SND1: variants seen among roughly 807,000 people sequenced by gnomAD.
SND1 encodes the protein staphylococcal nuclease and tudor domain containing 1, also known as staphylococcal nuclease domain-containing protein 1.
SND1 carries 38 observed loss-of-function variants against 121.7 expected under a neutral mutation model. That is an observed-to-expected ratio of 0.31 (90% confidence interval 0.24 to 0.41). SND1 has a LOEUF of 0.41. Ranked by LOEUF, SND1 falls within the 10% of genes least tolerant of loss-of-function variation. The pLI is 1.00. For missense variants in SND1, 868 were observed against 1,184.6 expected (o/e 0.73, Z 3.92); for synonymous variants, 401 against 447.4 (o/e 0.90, Z 1.31).
At position 127,704,939 on chromosome 7, in the gene SND1, C is replaced by T; in HGVS notation, c.941C>T (p.Ala314Val). 1 of 1,613,772 alleles carries T rather than the reference C, an allele frequency of 6.2e-7. No individual in the cohort carries two copies. Among genetic ancestry groups the T allele is most frequent in the Non-Finnish European group, 8.5e-7 (1 of 1,179,712 alleles). Residue 314 changes from alanine (A) to valine (V), a missense_variant, in exon 8 of 24, where the codon GCA (alanine) becomes GTA (valine). Ala to Val is a moderately conservative substitution (Grantham distance 64). Around this residue, in one of 2 missense-constraint regions of SND1, gnomAD observed 743 missense variants for 1,071.3 expected, o/e 0.69. Coordinates refer to ENST00000354725, the MANE Select transcript of SND1 (RefSeq NM_014390.4). ...CGGGGCGCAGAAAAGCTGAGGGCGG[C>T]AGAGAGGTAAGGTCTGTCCAAGAGG... ...YTRGAEKLRA[A>V]ERFAKERRLR...
intron 16 of SND1, among the ~76,000 whole-genome samples, chr7:128,071,958 G>A (rs1382542748): frequency 6.6e-6 from 1 of 152,216 alleles, no homozygotes; most frequent in African/African-American, 2.4e-5. Context: ...ATCGATTGCA[G>A]GCGACAGGCT....
intron 14 of SND1, among the ~76,000 whole-genome samples, chr7:127,918,471 G>A (rs1038369150): frequency 6.6e-6 from 1 of 152,114 alleles, no homozygotes; most frequent in Non-Finnish European, 1.5e-5. Flanking sequence ...GAGTGAAAAG[G>A]ATAGAAATTA....
In SND1 at chr7:127,975,484, G is replaced by C. The variant is rs1484436119; in HGVS notation, c.1670-15463G>C. On this transcript the variant is annotated intron_variant, in intron 15 of 23. Transcript: ENST00000354725. ...AAGAGAGATTGACTCCCCTCTGCTT[G>C]CACCCCAGAGCAGCCAGCAATCAGA... 2.6e-5 allele frequency among the ~76,000 whole-genome samples: 4 copies of C among 151,460 alleles called. No individual in the cohort carries two copies. The East Asian group carries it at 7.8e-4, about 29-fold the overall frequency.
chr7:127,930,231 C>CT (rs1028426781), intron 15 of SND1, among the ~76,000 whole-genome samples: 17 of 152,016 alleles, frequency 1.1e-4, no homozygotes, highest in Non-Finnish European at 2.1e-4. Context: ...CCCACCTTGC[C>CT]TTTTTTGCTA....
At chr7:128,014,953 AC>A (rs1471256066) in intron 16 of SND1, among the ~76,000 whole-genome samples, 1 of 151,936 alleles carries the variant, frequency 6.6e-6, no homozygotes, top group African/African-American at 2.4e-5. Context: ...ACAGCTTCCT[AC>A]CCTCCCTCTA....
intron 3 of SND1, among the ~76,000 whole-genome samples, chr7:127,696,226 A>G (rs912572576): frequency 1.2e-4 from 18 of 152,222 alleles, no homozygotes; most frequent in African/African-American, 4.1e-4. Context: ...GTATTCTGCT[A>G]AGACTCTGTT....
chr7:127,736,737 G>A (rs532842192), intron 10 of SND1, among the ~76,000 whole-genome samples: 2 of 152,298 alleles, frequency 1.3e-5, no homozygotes, highest in South Asian at 4.1e-4. Context: ...GGCCCTTTGT[G>A]TTTTGTTGCC....
chr7:127,988,845 G>A (rs899658917), intron 15 of SND1, among the ~76,000 whole-genome samples: 6 of 152,178 alleles, frequency 3.9e-5, no homozygotes, highest in African/African-American at 1.4e-4. Context: ...CTGCCCAAAT[G>A]GCTGCTAAGA....
chr7:127,767,046 A>G (rs1363956971), intron 10 of SND1, among the ~76,000 whole-genome samples: 4 of 152,090 alleles, frequency 2.6e-5, no homozygotes, highest in Non-Finnish European at 5.9e-5. Flanking sequence ...TGTGTGTTAG[A>G]TGGGAAGAGA....
intron 15 of SND1, among the ~76,000 whole-genome samples, chr7:127,977,707 A>T (rs753375404): frequency 3.3e-5 from 5 of 152,224 alleles, no homozygotes; most frequent in Non-Finnish European, 5.9e-5. Flanking sequence ...GGGCAGGCAC[A>T]GGTAGATCGA....
In SND1 at chr7:127,799,616, C is replaced by T. The variant is rs138829315; in HGVS notation, c.1153-7868C>T. ...AACCTCACACCTGTACATTTTATCA[C>T]GTAGATTCCAGTTTTTAAAAAAGTT... On this transcript the variant is annotated intron_variant, in intron 10 of 23. Transcript: ENST00000354725. Among the ~76,000 whole-genome samples, 831 of 152,266 alleles carry T rather than the reference C, an allele frequency of 5.5e-3. 6 individuals carry two copies. Among genetic ancestry groups the T allele is most frequent in the South Asian group, 0.014 (69 of 4,828 alleles).
At chr7:127,739,809 C>G (rs1396217298) in intron 10 of SND1, among the ~76,000 whole-genome samples, 2 of 152,184 alleles carry the variant, frequency 1.3e-5, no homozygotes, top group Non-Finnish European at 2.9e-5. Flanking sequence ...GGCCAAGGTG[C>G]TTCAGACATT....
rs531755666 is a variant in SND1, at chr7:127,938,962, A to C, written c.1669+9633A>C. ...ATGATACAGTTCCAGCCTTTGAGCAAAGTAATTGTGTCTACTGGAGTAAAG... is the reference window on the plus strand; with the variant it reads ...ATGATACAGTTCCAGCCTTTGAGCACAGTAATTGTGTCTACTGGAGTAAAG... On this transcript the variant is annotated intron_variant, in intron 15 of 23. Transcript: ENST00000354725. 1.4e-4 allele frequency among the ~76,000 whole-genome samples: 22 copies of C among 152,344 alleles called. 1 individual carries two copies. The South Asian group carries it at 4.6e-3, about 32-fold the overall frequency.
At chr7:127,703,730 G>A (rs1032198079) in intron 7 of SND1, among the ~76,000 whole-genome samples, 1 of 152,082 alleles carries the variant, frequency 6.6e-6, no homozygotes, top group Non-Finnish European at 1.5e-5. Flanking sequence ...ATTATGGCAG[G>A]ATTATTATTA....
Position 128,074,582 on chromosome 7 carries a change from C to T in SND1, c.1860C>T (p.Val620=). The T allele has an allele frequency of 6.2e-7, 1 of 1,613,816 alleles. No homozygotes were observed. The highest frequency in any genetic ancestry group is 8.5e-7 in the Non-Finnish European group (1 of 1,179,986). ...ACATCGACGGTGCCAACCTGTCCGT[C>T]CTGCTGGTGGAGCACGCGCTCTCCA... ...WLHIDGANLS[V]LLVEHALSKV... Residue 620 remains valine (V), a synonymous_variant, in exon 17 of 24, where the codon GTC becomes GTT. Transcript: ENST00000354725.
intron 15 of SND1, among the ~76,000 whole-genome samples, chr7:127,937,489 C>CCT (rs1376145851): frequency 6.6e-6 from 1 of 151,678 alleles, no homozygotes; most frequent in Non-Finnish European, 1.5e-5. Flanking sequence ...TGTCCCTTCT[C>CCT]CTCTCTCTCT....
chr7:127,908,207 C>T (rs1356595240), intron 14 of SND1, among the ~76,000 whole-genome samples: 1 of 151,872 alleles, frequency 6.6e-6, no homozygotes, highest in Non-Finnish European at 1.5e-5. Context: ...AATCCCAGCA[C>T]TTTGGGAGGC....
chr7:128,036,232 A>G (rs1444563711), intron 16 of SND1, among the ~76,000 whole-genome samples: 1 of 151,982 alleles, frequency 6.6e-6, no homozygotes, highest in East Asian at 1.9e-4. Flanking sequence ...TCTTAGTTCC[A>G]CCCACGTGTG....
At chr7:127,865,832 G>A (rs865796729) in intron 12 of SND1, among the ~76,000 whole-genome samples, 6 of 150,174 alleles carry the variant, frequency 4.0e-5, no homozygotes, top group Admixed American at 2.0e-4. Flanking sequence ...CCCAGACTGT[G>A]GTATTTATTT....
Sources: gnomAD v4.1 joint callset for allele counts (sites outside exome capture counted in the v4.1 genomes callset) on GRCh38, gnomAD v4.1.1 for gene constraint, gnomAD v4.1.1 regional missense constraint, MANE v1.5 for transcripts, NCBI Gene and HGNC (gene_info 2026-07-23, HGNC 2026-07-21) for gene names.